The following PCDHA4 variants were observed in gnomAD, a reference collection of about 807,000 sequenced individuals.
PCDHA4 encodes the protein protocadherin alpha-4.
PCDHA4 carries 49 observed loss-of-function variants against 61.4 expected under a neutral mutation model. The observed-to-expected ratio is 0.80, with a 90% CI of 0.63 to 1.01. PCDHA4 has a LOEUF of 1.01. Among genes scored for constraint, PCDHA4 ranks in the 50% least tolerant of loss-of-function variants. The pLI is 0.00. For missense variants in PCDHA4, 1,254 were observed against 1,235.8 expected (o/e 1.01, Z -0.22); for synonymous variants, 590 against 550.3 (o/e 1.07, Z -1.01).
rs73793533 is a variant in PCDHA4 at position 140,949,932 on chromosome 5, T to A, written c.2386-29017T>A. On this transcript the variant is annotated intron_variant, in intron 1 of 3. Transcript: ENST00000530339. Reference sequence around the variant, plus strand: ...GATATAACTATTTTTAGATTTTTTTTAATTTGCATTTTTTAGTGGTTGCTG... The same window carrying A: ...GATATAACTATTTTTAGATTTTTTTAAATTTGCATTTTTTAGTGGTTGCTG... Among the ~76,000 whole-genome samples, 1,356 of 151,758 alleles carry A rather than the reference T, an allele frequency of 8.9e-3. 15 individuals carry two copies. The highest frequency in any genetic ancestry group is 0.032 in the African/African-American group (1,309 of 41,514).
chr5:140,840,817 C>T (rs1422232698), intron 1 of PCDHA4, among the ~76,000 whole-genome samples: 1 of 152,040 alleles, frequency 6.6e-6, no homozygotes, highest in Non-Finnish European at 1.5e-5. Context: ...ACCAGTGTTT[C>T]TGGTGACCAA....
At chr5:140,830,409 G>C (rs2150186179) in intron 1 of PCDHA4, 1 of 1,614,158 alleles carries the variant, frequency 6.2e-7, no homozygotes. Context: ...ATGGCCTTTA[G>C]CCCCAGCCTT....
At chr5:140,933,338 G>T (rs2089065952) in intron 1 of PCDHA4, among the ~76,000 whole-genome samples, 1 of 151,926 alleles carries the variant, frequency 6.6e-6, no homozygotes, top group South Asian at 2.1e-4. Context: ...TGTAGAGAAA[G>T]ATAAACACTT....
Position 140,915,626 on chromosome 5 carries a change from G to GTCTCTCTC in PCDHA4, c.2386-63300_2386-63293dup, listed in dbSNP as rs57920489. Among the ~76,000 whole-genome samples the GTCTCTCTC allele has an allele frequency of 4.4e-3, 648 of 146,532 alleles. 6 individuals carry two copies. Among genetic ancestry groups the GTCTCTCTC allele is most frequent in the East Asian group, 0.011 (51 of 4,846 alleles). Reference sequence around the variant, plus strand: ...ACTTTCTGTCAAACAGTCTCTTTCTGTCTCTCTCTCTCTCTCTCTCTCTCT... The same window carrying GTCTCTCTC: ...ACTTTCTGTCAAACAGTCTCTTTCTGTCTCTCTCTCTCTCTCTCTCTCTCTCTCTCTCT... On this transcript the variant is annotated intron_variant, in intron 1 of 3. Transcript: ENST00000530339.
At chr5:140,829,903 C>G (rs782134190) in intron 1 of PCDHA4, 1 of 1,613,860 alleles carries the variant, frequency 6.2e-7, no homozygotes, top group Non-Finnish European at 8.5e-7. Flanking sequence ...CAGGCTACAA[C>G]GCGTGGCTTT....
intron 1 of PCDHA4, chr5:140,871,001 C>T (rs2052611705): frequency 1.9e-6 from 3 of 1,613,292 alleles, no homozygotes; most frequent in Admixed American, 1.7e-5. Flanking sequence ...ATAAGCACAA[C>T]GCGTGCCCTG....
intron 1 of PCDHA4, chr5:140,823,109 C>A (rs1197473169): frequency 6.2e-7 from 1 of 1,614,038 alleles, no homozygotes. Context: ...GTGGAAGTGG[C>A]CGACGTGAAC....
At chr5:140,849,612 A>T in intron 1 of PCDHA4, 1 of 1,598,736 alleles carries the variant, frequency 6.3e-7, no homozygotes. Context: ...TGCCCTGATT[A>T]GTGTGATCGA....
intron 3 of PCDHA4, among the ~76,000 whole-genome samples, chr5:140,999,034 T>A (rs953509791): frequency 6.6e-6 from 1 of 152,210 alleles, no homozygotes; most frequent in East Asian, 1.9e-4. Flanking sequence ...TGATACTTCG[T>A]CCAGTGTGCT....
rs1371953272 is a variant in PCDHA4 at position 140,844,555 on chromosome 5, A to G, written c.2385+34983A>G. ...ATTCAACCCTTTGTTCATGAGTTGGAATATTTTCAATAATATTCCACATTA... is the reference window on the plus strand; with the variant it reads ...ATTCAACCCTTTGTTCATGAGTTGGGATATTTTCAATAATATTCCACATTA... On this transcript the variant is annotated intron_variant, in intron 1 of 3. Transcript: ENST00000530339. Among the ~76,000 whole-genome samples the G allele has an allele frequency of 6.7e-5, 10 of 149,520 alleles. 1 individual carries two copies. The Admixed American group carries it at 6.7e-4, about 10-fold the overall frequency.
chr5:140,836,758 G>T, intron 1 of PCDHA4: 2 of 1,572,510 alleles, frequency 1.3e-6, no homozygotes, highest in South Asian at 2.4e-5. Flanking sequence ...AAATAATCTT[G>T]TTTCCAACAA....
intron 3 of PCDHA4, among the ~76,000 whole-genome samples, chr5:140,998,878 T>C (rs1379445555): frequency 6.6e-6 from 1 of 152,218 alleles, no homozygotes; most frequent in Non-Finnish European, 1.5e-5. Context: ...ATAATAAGTT[T>C]AGTTGAATAA....
At chr5:140,839,814 T>A (rs2150301148) in intron 1 of PCDHA4, among the ~76,000 whole-genome samples, 9,024 of 152,086 alleles carry the variant, frequency 0.059, 964 homozygotes, top group African/African-American at 0.21. Flanking sequence ...AATTGCCTAC[T>A]ATGAAGGCAT....
intron 1 of PCDHA4, chr5:140,968,051 C>T (rs1353005851): frequency 1.2e-6 from 2 of 1,614,018 alleles, no homozygotes; most frequent in African/African-American, 1.3e-5. Flanking sequence ...CCCACTGGAC[C>T]GAGAGCGGGT....
chr5:140,810,172 G>C (rs1470472380), intron 1 of PCDHA4: 1 of 152,198 alleles, frequency 6.6e-6, no homozygotes, highest in Non-Finnish European at 1.5e-5. Flanking sequence ...GTTATATGTA[G>C]TTGTAGTTTA....
chr5:140,955,986 C>A (rs2095245113), intron 1 of PCDHA4, among the ~76,000 whole-genome samples: 1 of 152,124 alleles, frequency 6.6e-6, no homozygotes, highest in Non-Finnish European at 1.5e-5. Flanking sequence ...GCAATTTTTG[C>A]ACATTGATTT....
At chr5:140,868,942 C>A (rs1238492263) in intron 1 of PCDHA4, 2 of 1,255,934 alleles carry the variant, frequency 1.6e-6, no homozygotes, top group South Asian at 1.6e-5. Flanking sequence ...TTGGTCTGAA[C>A]AGTGAGGCAC....
rs142640080 is a variant in PCDHA4 at position 140,917,521 on chromosome 5, C to T, written c.2386-61428C>T. Among the ~76,000 whole-genome samples the T allele has an allele frequency of 5.8e-4, 88 of 152,256 alleles. 1 individual carries two copies. In the East Asian group the frequency reaches 0.015, roughly 26 times the overall value. On this transcript the variant is annotated intron_variant, in intron 1 of 3. Transcript: ENST00000530339. ...ATGATATTTTCTAGGTTTTATTCTA[C>T]GGTTTGTATAGTTTTAGGTTTTACA...
chr5:140,809,302 C>A lies in PCDHA4; in HGVS notation c.2115C>A (p.Cys705Ter), dbSNP rs1449558535. The A allele has an allele frequency of 1.9e-6, 3 of 1,614,006 alleles. No individual in the cohort carries two copies. The highest frequency in any genetic ancestry group is 2.5e-6 in the Non-Finnish European group (3 of 1,179,958). ...DVNVYLIIAI[C>*]AVSSLLVLTL... ...ACGTATACCTGATCATTGCCATCTG[C>A]GCGGTGTCCAGCCTTTTGGTGCTCA... The change falls in exon 1 of 4, where the codon TGC (cysteine) becomes TGA (stop). Residue 705 changes from cysteine (C) to a stop codon, truncating the protein, a stop_gained. Coordinates refer to ENST00000530339, the MANE Select transcript of PCDHA4 (RefSeq NM_018907.4). LOFTEE classifies it high-confidence loss of function.
Sources: allele counts gnomAD v4.1 joint callset (sites outside exome capture counted in the v4.1 genomes callset), GRCh38; gene constraint gnomAD v4.1.1; transcripts MANE v1.5; gene names NCBI Gene and HGNC (gene_info 2026-07-23, HGNC 2026-07-21).